The following SMYD3 variants were observed in gnomAD, a reference collection of about 807,000 sequenced individuals.
The protein encoded by SMYD3 is SET and MYND domain containing 3, also known as histone-lysine N-methyltransferase SMYD3.
A neutral mutation model predicts 57.7 loss-of-function variants in SMYD3; 36 were observed. That is an observed-to-expected ratio of 0.62 (90% CI 0.48 to 0.82). The LOEUF is 0.82. Ranked by LOEUF, SMYD3 falls within the 40% of genes least tolerant of loss-of-function variation. SMYD3 has a pLI of 0.00. For missense variants in SMYD3, 515 were observed against 538.8 expected, an observed-to-expected ratio of 0.96 and a Z score of 0.44; for synonymous variants, 211 against 195.0, an observed-to-expected ratio of 1.08 and a Z score of -0.68.
chr1:245,951,167 A>G (rs6686870), intron 5 of SMYD3, among the ~76,000 whole-genome samples: 30,967 of 151,534 alleles, frequency 0.2, 4,449 homozygotes, highest in East Asian at 0.47. Flanking sequence ...AAACCAGGGG[A>G]TGGATAATTT....
chr1:246,311,663 GCGCACACACA>G (rs1409322946), intron 5 of SMYD3, among the ~76,000 whole-genome samples: 1 of 152,102 alleles, frequency 6.6e-6, no homozygotes. Flanking sequence ...ACGCGCACGC[GCGCACACACA>G]CGCACACACA....
intron 8 of SMYD3, among the ~76,000 whole-genome samples, chr1:245,867,083 A>C (rs993694154): frequency 1.3e-5 from 2 of 152,250 alleles, no homozygotes; most frequent in Non-Finnish European, 2.9e-5. Context: ...GATGGGATTA[A>C]GGTTGCTAAT....
intron 5 of SMYD3, among the ~76,000 whole-genome samples, chr1:246,085,500 T>A (rs1466562433): frequency 6.6e-6 from 1 of 152,194 alleles, no homozygotes; most frequent in African/African-American, 2.4e-5. Context: ...CCCTAATGTG[T>A]GAGGTGCCCT....
At chr1:245,787,337 C>T (rs565710972) in intron 10 of SMYD3, among the ~76,000 whole-genome samples, 8 of 152,330 alleles carry the variant, frequency 5.3e-5, no homozygotes, top group African/African-American at 1.9e-4. Context: ...TTACTTCAGG[C>T]TCGTAAGTTC....
At chr1:246,234,099 A>G (rs200673673) in intron 5 of SMYD3, among the ~76,000 whole-genome samples, 6 of 118,664 alleles carry the variant, frequency 5.1e-5, no homozygotes, top group South Asian at 3.7e-4. Context: ...TGATGAACAT[A>G]TACCACACAG....
intron 5 of SMYD3, among the ~76,000 whole-genome samples, chr1:246,130,952 T>G (rs2061577972): frequency 6.6e-6 from 1 of 152,134 alleles, no homozygotes; most frequent in Non-Finnish European, 1.5e-5. Context: ...CAATCAAACC[T>G]CGTCTTAACA....
chr1:246,265,135 T>C (rs1044094517), intron 5 of SMYD3, among the ~76,000 whole-genome samples: 1 of 152,164 alleles, frequency 6.6e-6, no homozygotes, highest in African/African-American at 2.4e-5. Context: ...TTCTGGTCAG[T>C]GTATCTTTAT....
At chr1:245,849,229 CT>C (rs1257864718) in intron 10 of SMYD3, among the ~76,000 whole-genome samples, 1 of 152,174 alleles carries the variant, frequency 6.6e-6, no homozygotes, top group Non-Finnish European at 1.5e-5. Flanking sequence ...ATGACTCATG[CT>C]GTTACAGGAA....
Position 246,025,442 on chromosome 1 carries a change from C to T in SMYD3, c.532-95505G>A, listed in dbSNP as rs537811131. 8.5e-5 allele frequency among the ~76,000 whole-genome samples: 13 copies of T among 152,268 alleles called. No individual in the cohort carries two copies. The East Asian group carries it at 9.7e-4, about 11-fold the overall frequency. ...CCCAAATGTGTCCCAAACACAAAGA[C>T]GTCTCACATCCCTCTAAAAACCGAA... On this transcript the variant is annotated intron_variant, in intron 5 of 11. Coordinates refer to ENST00000490107, the MANE Select transcript of SMYD3 (RefSeq NM_001167740.2).
chr1:245,918,400 T>A (rs2055604964), intron 7 of SMYD3, among the ~76,000 whole-genome samples: 1 of 152,132 alleles, frequency 6.6e-6, no homozygotes, highest in Non-Finnish European at 1.5e-5. Flanking sequence ...GAAGCTGGCG[T>A]CCCTTAAGGA....
intron 10 of SMYD3, among the ~76,000 whole-genome samples, chr1:245,778,883 G>A (rs1239945295): frequency 1.3e-5 from 2 of 152,158 alleles, no homozygotes; most frequent in Admixed American, 6.5e-5. Flanking sequence ...ATGGAGGCCT[G>A]GCGTGGTGGC....
At chr1:246,149,150 A>T (rs2061902960) in intron 5 of SMYD3, among the ~76,000 whole-genome samples, 1 of 152,200 alleles carries the variant, frequency 6.6e-6, no homozygotes, top group Non-Finnish European at 1.5e-5. Flanking sequence ...TTTTTAAAAT[A>T]CCTCTTTTTG....
intron 1 of SMYD3, among the ~76,000 whole-genome samples, chr1:246,425,177 G>A (rs1341655075): frequency 6.6e-6 from 1 of 152,110 alleles, no homozygotes; most frequent in Admixed American, 6.6e-5. Flanking sequence ...CCAGACTTCT[G>A]AGTGACCATG....
intron 1 of SMYD3, among the ~76,000 whole-genome samples, chr1:246,445,968 A>T (rs1342138096): frequency 6.6e-6 from 1 of 152,212 alleles, no homozygotes; most frequent in African/African-American, 2.4e-5. Flanking sequence ...ATGCATAACT[A>T]ATGAATTTCC....
chr1:246,302,014 T>C (rs2148615719), intron 5 of SMYD3, among the ~76,000 whole-genome samples: 1 of 152,276 alleles, frequency 6.6e-6, no homozygotes, highest in South Asian at 2.1e-4. Flanking sequence ...AGGGAGGACA[T>C]GCGAGCTAAG....
At chr1:245,997,873 A>G (rs965243477) in intron 5 of SMYD3, among the ~76,000 whole-genome samples, 2 of 152,222 alleles carry the variant, frequency 1.3e-5, no homozygotes, top group African/African-American at 2.4e-5. Flanking sequence ...TTCAAGCCCT[A>G]CACTTCCCTG....
At chr1:245,935,712 A>G (rs2056955505) in intron 5 of SMYD3, among the ~76,000 whole-genome samples, 1 of 152,254 alleles carries the variant, frequency 6.6e-6, no homozygotes. Flanking sequence ...CTTAAAAAGA[A>G]GGAAATTCTG....
At chr1:246,001,124 G>C (rs1488240633) in intron 5 of SMYD3, among the ~76,000 whole-genome samples, 2 of 152,152 alleles carry the variant, frequency 1.3e-5, no homozygotes, top group African/African-American at 4.8e-5. Flanking sequence ...GATACTCTAA[G>C]GCCAACAGAC....
At chr1:245,761,487 C>G (rs1043125502) in intron 11 of SMYD3, among the ~76,000 whole-genome samples, 1 of 152,126 alleles carries the variant, frequency 6.6e-6, no homozygotes, top group African/African-American at 2.4e-5. Flanking sequence ...CAGGCTTGTC[C>G]TTATAGTTGA....
Sources: allele counts gnomAD v4.1 joint callset (sites outside exome capture counted in the v4.1 genomes callset), GRCh38; gene constraint gnomAD v4.1.1; transcripts MANE v1.5; gene names NCBI Gene and HGNC (gene_info 2026-07-23, HGNC 2026-07-21).